STRBP: variants seen among roughly 807,000 people sequenced by gnomAD.
The protein encoded by STRBP is spermatid perinuclear RNA-binding protein.
In STRBP, 13 loss-of-function variants were observed where a neutral mutation model predicts 80.1. The ratio of observed to expected loss-of-function variants is 0.16; its 90% CI spans 0.11 to 0.26. STRBP has a LOEUF of 0.26. STRBP is among the 10% of genes least tolerant of loss of function. The pLI is 1.00. For synonymous variants in STRBP, 284 were observed against 291.2 expected (o/e 0.98, Z 0.25); for missense variants, 485 against 815.2 (o/e 0.59, Z 4.93).
chr9:123,248,911 T>C (rs1390431848), intron 1 of STRBP, among the ~76,000 whole-genome samples: 1 of 152,232 alleles, frequency 6.6e-6, no homozygotes, highest in East Asian at 1.9e-4. Context: ...TCATAATTCA[T>C]ATCTTTAGCA....
intron 2 of STRBP, among the ~76,000 whole-genome samples, chr9:123,222,926 A>G (rs978691215): frequency 1.3e-5 from 2 of 152,184 alleles, no homozygotes; most frequent in African/African-American, 2.4e-5. Flanking sequence ...CTGGAAGCAA[A>G]AAAGATGTCT....
chr9:123,119,766 C>T (rs1405820173), downstream of STRBP, among the ~76,000 whole-genome samples: 1 of 152,080 alleles, frequency 6.6e-6, no homozygotes, highest in Non-Finnish European at 1.5e-5. Flanking sequence ...AGGTACTGTT[C>T]AAAACATATT....
At chr9:123,170,637 G>A (rs947793960) in intron 5 of STRBP, among the ~76,000 whole-genome samples, 2 of 152,140 alleles carry the variant, frequency 1.3e-5, no homozygotes, top group Admixed American at 6.5e-5. Flanking sequence ...ATCTTCCAAT[G>A]GGACCTACCA....
At chr9:123,182,690 T>C (rs964926284) in intron 3 of STRBP, among the ~76,000 whole-genome samples, 6 of 152,116 alleles carry the variant, frequency 3.9e-5, no homozygotes, top group African/African-American at 1.4e-4. Flanking sequence ...GGCACAAATA[T>C]TTTTAAAAGC....
intron 1 of STRBP, among the ~76,000 whole-genome samples, chr9:123,237,919 TA>T (rs1324162002): frequency 6.6e-6 from 1 of 152,224 alleles, no homozygotes; most frequent in Non-Finnish European, 1.5e-5. Context: ...GCATAGTAGA[TA>T]AGAGAATAGG....
chr9:123,268,353 C>A (rs1020540401), intron 1 of STRBP, 83 bp downstream of exon 1: 19 of 151,740 alleles, frequency 1.3e-4, no homozygotes, highest in Non-Finnish European at 1.5e-5. Context: ...GCCGGCTCCG[C>A]CAACCGCCTC....
intron 2 of STRBP, among the ~76,000 whole-genome samples, chr9:123,189,562 C>G (rs886578159): frequency 2.6e-5 from 4 of 151,906 alleles, no homozygotes; most frequent in Non-Finnish European, 5.9e-5. Flanking sequence ...ATGGATGAAG[C>G]TGGAAACCAT....
chr9:123,164,613 T>C (rs1353144873), intron 6 of STRBP, among the ~76,000 whole-genome samples: 2 of 152,054 alleles, frequency 1.3e-5, no homozygotes, highest in African/African-American at 2.4e-5. Flanking sequence ...AAACAAAACA[T>C]GATTGCATTA....
At chr9:123,235,862 A>G (rs558164382) in intron 2 of STRBP, among the ~76,000 whole-genome samples, 1 of 152,312 alleles carries the variant, frequency 6.6e-6, no homozygotes, top group African/African-American at 2.4e-5. Context: ...ATAATCAAAA[A>G]TAAGAACACC....
At chr9:123,214,949 C>T (rs1041923187) in intron 2 of STRBP, among the ~76,000 whole-genome samples, 1 of 152,130 alleles carries the variant, frequency 6.6e-6, no homozygotes, top group African/African-American at 2.4e-5. Flanking sequence ...CACATTTTTG[C>T]TCCTCTTGTT....
Position 123,123,021 on chromosome 9 carries a change from G to C in STRBP, c.*2576C>G. On this transcript the variant is annotated 3_prime_UTR_variant, in exon 19 of 19. Transcript: ENST00000348403. ...CATTGCTTTCAAAAAGAGGGTGTCA[G>C]AGTGGAGTGTCTGAAAGCTGGATAG... is the stretch of plus-strand genomic sequence containing the variant. The C allele has an allele frequency of 1.0e-6, 1 of 985,444 alleles. No homozygotes were observed. Among genetic ancestry groups the C allele is most frequent in the Non-Finnish European group, 1.2e-6 (1 of 829,926 alleles). 61.0% of individuals were successfully genotyped at this position (985,444 alleles called of 1,614,324 possible). A position where few individuals can be genotyped will look rare whatever the true frequency, so the allele number is the denominator to read the frequency against.
chr9:123,209,263 A>G (rs1273453784), intron 2 of STRBP, among the ~76,000 whole-genome samples: 1 of 152,224 alleles, frequency 6.6e-6, no homozygotes, highest in East Asian at 1.9e-4. Flanking sequence ...ATGCTATGGT[A>G]TAATCGAAAG....
downstream of STRBP, among the ~76,000 whole-genome samples, chr9:123,118,069 C>T (rs1211459336): frequency 6.6e-6 from 1 of 152,210 alleles, no homozygotes; most frequent in Non-Finnish European, 1.5e-5. Flanking sequence ...CGGCCGCAGC[C>T]TTTTAATCCA....
chr9:123,223,480 T>G, intron 2 of STRBP, among the ~76,000 whole-genome samples: 1 of 152,168 alleles, frequency 6.6e-6, no homozygotes, highest in African/African-American at 2.4e-5. Flanking sequence ...ATGAAAACTT[T>G]TTGTATTACA....
chr9:123,221,829 T>G (rs2132556402), intron 2 of STRBP, among the ~76,000 whole-genome samples: 1 of 152,302 alleles, frequency 6.6e-6, no homozygotes, highest in East Asian at 1.9e-4. Context: ...TTTTAGTCAC[T>G]TCATTAAGGT....
chr9:123,137,617 A>G (rs1368409684), intron 14 of STRBP, among the ~76,000 whole-genome samples: 2 of 152,154 alleles, frequency 1.3e-5, no homozygotes, highest in African/African-American at 4.8e-5. Context: ...CACGTTGGCC[A>G]GGGTGCACTC....
intron 7 of STRBP, 100 bp from the exon 8 acceptor site, chr9:123,160,562 G>A: frequency 1.4e-6 from 1 of 710,520 alleles, no homozygotes; most frequent in Non-Finnish European, 1.9e-6. Context: ...TTATTCATCA[G>A]TTATCAGGCA....
chr9:123,121,319 CACA>C (rs975420230), downstream of STRBP: 9 of 152,196 alleles, frequency 5.9e-5, no homozygotes, highest in African/African-American at 2.2e-4. Flanking sequence ...AGCCTTAGCA[CACA>C]ACATCTAACA....
chr9:123,181,133 C>T (rs1335297650), intron 3 of STRBP, among the ~76,000 whole-genome samples: 1 of 152,178 alleles, frequency 6.6e-6, no homozygotes, highest in East Asian at 1.9e-4. Flanking sequence ...CAAAGCTTTT[C>T]TTTTTCTCAA....
Sources: gnomAD v4.1 joint callset for allele counts (sites outside exome capture counted in the v4.1 genomes callset) on GRCh38, gnomAD v4.1.1 for gene constraint, MANE v1.5 for transcripts, NCBI Gene and HGNC (gene_info 2026-07-23, HGNC 2026-07-21) for gene names.